The following FNBP1 variants were observed in gnomAD, a reference collection of about 807,000 sequenced individuals.
FNBP1 encodes formin binding protein 1.
In FNBP1, 26 loss-of-function variants were observed where a neutral mutation model predicts 90.6. The ratio of observed to expected loss-of-function variants is 0.29; its 90% CI spans 0.21 to 0.40. The LOEUF is 0.40. FNBP1 is among the 10% of genes least tolerant of loss of function. FNBP1 has a pLI of 1.00. For synonymous variants in FNBP1, 260 were observed against 265.2 expected, an observed-to-expected ratio of 0.98 and a Z score of 0.19; for missense variants, 635 against 768.0, an observed-to-expected ratio of 0.83 and a Z score of 2.05.
At position 129,890,087 on chromosome 9, in the gene FNBP1, C is replaced by T. The variant is rs1210926848; in HGVS notation, c.*452G>A. ...CTGGGACACACGGATGACATCGACA[C>T]GGATGACATCGAGTGCTCAGTCCGC... On this transcript the variant is annotated 3_prime_UTR_variant, in exon 17 of 17. Transcript: ENST00000446176. The surrounding 1 kb of genome is among the most constrained non-coding windows in gnomAD (Gnocchi z 5.8). 2.9e-5 allele frequency: 8 copies of T among 274,714 alleles called. No homozygotes were observed. In the East Asian group the frequency reaches 3.4e-4, roughly 12 times the overall value. The allele number at this position is 274,714 out of a possible 1,614,324, so 17.0% of individuals were successfully genotyped here. A position where few individuals can be genotyped will look rare whatever the true frequency, so the allele number is the denominator to read the frequency against.
At chr9:129,939,436 T>C (rs536931841) in intron 6 of FNBP1, among the ~76,000 whole-genome samples, 1 of 152,118 alleles carries the variant, frequency 6.6e-6, no homozygotes, top group African/African-American at 2.4e-5. Flanking sequence ...TATTCAGTAA[T>C]ATACTGTCAA....
intron 1 of FNBP1, among the ~76,000 whole-genome samples, chr9:130,019,425 T>G (rs2057589846): frequency 6.6e-6 from 1 of 152,198 alleles, no homozygotes; most frequent in Non-Finnish European, 1.5e-5. Context: ...TAAAAAGTCT[T>G]TATAGGTTCA....
chr9:130,029,978 A>G (rs567633643), intron 1 of FNBP1, among the ~76,000 whole-genome samples: 64 of 151,666 alleles, frequency 4.2e-4, no homozygotes, highest in African/African-American at 1.5e-3. Context: ...AGTACAAACA[A>G]ACAAAAATTA....
chr9:129,970,725 C>T (rs1213318084), intron 4 of FNBP1, among the ~76,000 whole-genome samples: 1 of 152,140 alleles, frequency 6.6e-6, no homozygotes, highest in Non-Finnish European at 1.5e-5. Context: ...GTGGAACCCA[C>T]TAGGTGAAGA....
Position 129,978,169 on chromosome 9 carries a change from T to G in FNBP1, c.345+296A>C, listed in dbSNP as rs908192834. Among the ~76,000 whole-genome samples the G allele has an allele frequency of 2.0e-5, 3 of 152,104 alleles. No individual in the cohort carries two copies. In the South Asian group the frequency reaches 6.2e-4, roughly 32 times the overall value. Reference sequence around the variant, plus strand: ...CTGAGTAGCTGGGATTACAGCCACATGCCACCACGCCTGGCTAATTTTTGT... The same window carrying G: ...CTGAGTAGCTGGGATTACAGCCACAGGCCACCACGCCTGGCTAATTTTTGT... On this transcript the variant is annotated intron_variant, in intron 4 of 16. Transcript: ENST00000446176.
Position 130,042,972 on chromosome 9 carries a change from T to C in FNBP1, c.4A>G (p.Ser2Gly). 8.2e-7 allele frequency: 1 copy of C among 1,226,154 alleles called. No individual in the cohort carries two copies. The highest frequency in any genetic ancestry group is 4.0e-5 in the South Asian group (1 of 24,964). The allele number at this position is 1,226,154 out of a possible 1,614,324, so 76.0% of individuals were successfully genotyped here. A position where few individuals can be genotyped will look rare whatever the true frequency, so the allele number is the denominator to read the frequency against. The change falls in exon 1 of 17, where the codon AGC becomes GGC. Residue 2 changes from serine to glycine, a missense_variant. Ser to Gly is a moderately conservative substitution (Grantham distance 56). Coordinates refer to ENST00000446176, the MANE Select transcript of FNBP1 (RefSeq NM_015033.3). The surrounding 1 kb of genome is among the most constrained non-coding windows in gnomAD (Gnocchi z 5.5). M[S>G]WGTELWDQFD... is the part of the protein sequence containing the mutation. The stretch of plus-strand genomic sequence containing the variant: ...CTCACCCAGAGCTCGGTGCCCCAGC[T>C]CATGGTGCAGGGGACGCGAAGGGGC...
At chr9:129,936,128 T>C (rs2043420835) in intron 6 of FNBP1, among the ~76,000 whole-genome samples, 1 of 152,218 alleles carries the variant, frequency 6.6e-6, no homozygotes, top group African/African-American at 2.4e-5. Context: ...AATGCCCACC[T>C]TTTGTCACCA....
intron 4 of FNBP1, among the ~76,000 whole-genome samples, chr9:129,972,028 C>CT (rs2049531941): frequency 6.6e-6 from 1 of 152,204 alleles, no homozygotes; most frequent in Non-Finnish European, 1.5e-5. Flanking sequence ...AAGGATGGTA[C>CT]TTAAGTAAGG....
At chr9:129,948,356 C>CTTTTTTTGTTTTTTTTTTTTTT (rs2045647346) in intron 6 of FNBP1, among the ~76,000 whole-genome samples, 1 of 64,430 alleles carries the variant, frequency 1.6e-5, no homozygotes, top group African/African-American at 7.0e-5. Context: ...ATTTTGGTGT[C>CTTTTTTTGTTTTTTTTTTTTTT]TTTTTTTTTT....
chr9:129,958,322 C>T (rs1489344417), intron 5 of FNBP1, among the ~76,000 whole-genome samples, 169 bp downstream of exon 5: 1 of 151,970 alleles, frequency 6.6e-6, no homozygotes, highest in African/African-American at 2.4e-5. Context: ...ATCTTAGCTA[C>T]TTGGGAGGCT....
chr9:129,971,623 T>G (rs538130273), intron 4 of FNBP1, among the ~76,000 whole-genome samples: 51 of 152,186 alleles, frequency 3.4e-4, no homozygotes, highest in South Asian at 1.0e-3. Flanking sequence ...ACTCCTGACC[T>G]CAGGTGATCC....
intron 16 of FNBP1, 132 bp downstream of exon 16, chr9:129,895,706 G>T: frequency 7.3e-7 from 1 of 1,370,462 alleles, no homozygotes; most frequent in African/African-American, 1.5e-5. Flanking sequence ...GAGACTACAG[G>T]AGAACGTGCA....
In FNBP1 at chr9:129,902,942, G is replaced by T. The variant is rs770917261; in HGVS notation, c.1355C>A (p.Ala452Asp). The T allele has an allele frequency of 1.9e-6, 3 of 1,610,282 alleles. No homozygotes were observed. Among genetic ancestry groups the T allele is most frequent in the Non-Finnish European group, 2.5e-6 (3 of 1,178,094 alleles). The change falls in exon 13 of 17, where the codon GCC becomes GAC. Residue 452 changes from alanine (A) to aspartate (D), a missense_variant. Transcript: ENST00000446176. ...YLKNPQMGDP[A>D]SLDHKLAEVS... Reference sequence around the variant, plus strand: ...TTCTGCTAATTTGTGATCCAAACTGGCTGGGTCTCCCATCTGAGGATTCTT... The same window carrying T: ...TTCTGCTAATTTGTGATCCAAACTGTCTGGGTCTCCCATCTGAGGATTCTT...
At chr9:130,005,341 ATTTT>A (rs35530412) in intron 1 of FNBP1, among the ~76,000 whole-genome samples, 1 of 108,528 alleles carries the variant, frequency 9.2e-6, no homozygotes, top group Admixed American at 9.8e-5. Flanking sequence ...ACAAATTGAG[ATTTT>A]TTTTTTTTTT....
intron 1 of FNBP1, among the ~76,000 whole-genome samples, chr9:130,000,560 A>G (rs1359580421): frequency 6.6e-6 from 1 of 152,190 alleles, no homozygotes; most frequent in Non-Finnish European, 1.5e-5. Flanking sequence ...AGATCTTCCA[A>G]CTGTTGAAAC....
intron 4 of FNBP1, among the ~76,000 whole-genome samples, chr9:129,972,679 G>A (rs1330976338): frequency 1.3e-5 from 2 of 151,954 alleles, no homozygotes; most frequent in Admixed American, 6.6e-5. Flanking sequence ...TTACAGGCAC[G>A]CGCCACTGTG....
At chr9:130,016,509 C>T (rs941501873) in intron 1 of FNBP1, among the ~76,000 whole-genome samples, 25 of 152,086 alleles carry the variant, frequency 1.6e-4, no homozygotes, top group Admixed American at 1.2e-3. Flanking sequence ...TTTGGGAGGC[C>T]GAGGCTGGCG....
intron 1 of FNBP1, among the ~76,000 whole-genome samples, chr9:130,028,652 A>G (rs556281945): frequency 2.6e-5 from 4 of 152,348 alleles, no homozygotes; most frequent in Non-Finnish European, 4.4e-5. Context: ...CACGGTTCAC[A>G]CAATGGTTCT....
chr9:130,048,099 C>A (rs1209792933), upstream of FNBP1, among the ~76,000 whole-genome samples: 1 of 151,584 alleles, frequency 6.6e-6, no homozygotes, highest in Non-Finnish European at 1.5e-5. Flanking sequence ...GCAGGCGGAT[C>A]GCTTGAGCCC....
Sources: gnomAD v4.1 joint callset for allele counts (sites outside exome capture counted in the v4.1 genomes callset) on GRCh38, gnomAD v4.1.1 for gene constraint, Gnocchi (gnomAD v3.1) non-coding constraint, MANE v1.5 for transcripts, NCBI Gene and HGNC (gene_info 2026-07-23, HGNC 2026-07-21) for gene names.